THRB: variants seen among roughly 807,000 people sequenced by gnomAD.
THRB encodes nuclear receptor subfamily 1 group A member 2.
Under a neutral mutation model 47.8 loss-of-function variants are expected in THRB, and 12 were observed. That is an observed-to-expected ratio of 0.25 (90% CI 0.16 to 0.41). The LOEUF is 0.41. Ranked by LOEUF, THRB falls within the 10% of genes least tolerant of loss-of-function variation. The pLI, the probability that THRB is intolerant of heterozygous loss-of-function variation, is 1.00. For missense variants in THRB, 348 were observed against 589.2 expected, an observed-to-expected ratio of 0.59 and a Z score of 4.24; for synonymous variants, 218 against 212.2, an observed-to-expected ratio of 1.03 and a Z score of -0.24.
At chr3:24,291,235 A>G (rs1016079024) in intron 3 of THRB, among the ~76,000 whole-genome samples, 1 of 152,236 alleles carries the variant, frequency 6.6e-6, no homozygotes, top group African/African-American at 2.4e-5. Flanking sequence ...AGCAGTTTAA[A>G]GACTTTAGAA....
chr3:24,281,426 T>C (rs1366142156), intron 3 of THRB, among the ~76,000 whole-genome samples: 3 of 151,142 alleles, frequency 2.0e-5, no homozygotes, highest in Non-Finnish European at 4.4e-5. Flanking sequence ...CTAGAAGAGC[T>C]CCTGAAGGAA....
In THRB at chr3:24,362,060, C is replaced by T. The variant is rs564442405; in HGVS notation, c.-260-24689G>A. On this transcript the variant is annotated intron_variant, in intron 1 of 10. Coordinates refer to ENST00000646209, the MANE Select transcript of THRB (RefSeq NM_001354712.2). ...TCAATTACCGAATGCTTACAATGGG[C>T]CAAGCACTGTGCTAAACACCTTACG... 3.3e-5 allele frequency among the ~76,000 whole-genome samples: 5 copies of T among 152,188 alleles called. No individual in the cohort carries two copies. The South Asian group carries it at 1.0e-3, about 32-fold the overall frequency.
At chr3:24,322,992 A>G (rs1214036598) in intron 2 of THRB, among the ~76,000 whole-genome samples, 31 of 152,060 alleles carry the variant, frequency 2.0e-4, no homozygotes, top group Non-Finnish European at 4.4e-5. Flanking sequence ...CCATAAGAGC[A>G]TTTTTCTTAT....
intron 4 of THRB, among the ~76,000 whole-genome samples, chr3:24,227,256 G>C (rs2047749808): frequency 6.6e-6 from 1 of 152,180 alleles, no homozygotes; most frequent in African/African-American, 2.4e-5. Flanking sequence ...GCTACCTGCT[G>C]TCTGGTATCT....
At chr3:24,149,344 T>C (rs2036564322) in intron 6 of THRB, among the ~76,000 whole-genome samples, 1 of 152,146 alleles carries the variant, frequency 6.6e-6, no homozygotes, top group Non-Finnish European at 1.5e-5. Flanking sequence ...TGTTAGTCTA[T>C]CTGAAGTTGG....
At chr3:24,294,857 C>T (rs1033215496) in intron 3 of THRB, among the ~76,000 whole-genome samples, 3 of 152,210 alleles carry the variant, frequency 2.0e-5, no homozygotes, top group African/African-American at 7.2e-5. Flanking sequence ...AGCAAGGAAA[C>T]TTTCCCTTAA....
At chr3:24,192,076 C>T (rs149086678) in intron 4 of THRB, among the ~76,000 whole-genome samples, 1,928 of 152,224 alleles carry the variant, frequency 0.013, 19 homozygotes, top group Non-Finnish European at 0.02. Flanking sequence ...TTATTCATTG[C>T]ATGGTAAATC....
chr3:24,281,250 T>C (rs1338804281), intron 3 of THRB, among the ~76,000 whole-genome samples: 6 of 152,096 alleles, frequency 3.9e-5, no homozygotes, highest in South Asian at 4.2e-4. Flanking sequence ...CGGCAGAAAC[T>C]CTACAAGCCA....
intron 1 of THRB, among the ~76,000 whole-genome samples, chr3:24,394,234 A>G (rs1000047917): frequency 6.6e-6 from 1 of 152,144 alleles, no homozygotes; most frequent in Non-Finnish European, 1.5e-5. Flanking sequence ...GAGAAGTTTC[A>G]ACATAGTCTC....
intron 5 of THRB, among the ~76,000 whole-genome samples, chr3:24,162,487 A>G (rs1046096379): frequency 9.8e-5 from 15 of 152,314 alleles, no homozygotes; most frequent in African/African-American, 2.9e-4. Flanking sequence ...TTGTTTTTTC[A>G]TAATCCATAT....
chr3:24,411,207 A>T (rs1304057322), intron 1 of THRB, among the ~76,000 whole-genome samples: 1 of 151,844 alleles, frequency 6.6e-6, no homozygotes, highest in African/African-American at 2.4e-5. Context: ...TGCTAAAGTC[A>T]AAGGCAAGAT....
chr3:24,301,940 C>T (rs1220503741), intron 2 of THRB, among the ~76,000 whole-genome samples: 1 of 152,140 alleles, frequency 6.6e-6, no homozygotes, highest in East Asian at 1.9e-4. Context: ...TATGGCTGAC[C>T]TCTGAGAATG....
At chr3:24,210,415 T>G (rs1173066794) in intron 4 of THRB, among the ~76,000 whole-genome samples, 4 of 152,080 alleles carry the variant, frequency 2.6e-5, no homozygotes, top group Admixed American at 6.5e-5. Flanking sequence ...TGTTTGTTTT[T>G]TTTTTTTGCT....
chr3:24,305,307 T>G (rs1203301974), intron 2 of THRB, among the ~76,000 whole-genome samples: 1 of 152,178 alleles, frequency 6.6e-6, no homozygotes, highest in East Asian at 1.9e-4. Context: ...ATGATTCAAG[T>G]GCATGCTAAA....
intron 4 of THRB, among the ~76,000 whole-genome samples, chr3:24,207,275 C>T (rs976111157): frequency 6.6e-6 from 1 of 152,128 alleles, no homozygotes; most frequent in Non-Finnish European, 1.5e-5. Context: ...AATCCAGCAG[C>T]GCATCAAAAA....
At chr3:24,334,436 T>C (rs1418551475) in intron 2 of THRB, among the ~76,000 whole-genome samples, 3 of 152,182 alleles carry the variant, frequency 2.0e-5, no homozygotes, top group African/African-American at 2.4e-5. Flanking sequence ...TAAAAGCACA[T>C]GTTAAAGTAA....
chr3:24,283,671 A>G (rs796360639), intron 3 of THRB, among the ~76,000 whole-genome samples: 3 of 147,496 alleles, frequency 2.0e-5, no homozygotes, highest in Non-Finnish European at 4.5e-5. Context: ...ACATGATTGT[A>G]TATCTAGAAA....
chr3:24,197,989 A>C (rs1485173847), intron 4 of THRB, among the ~76,000 whole-genome samples: 3 of 152,244 alleles, frequency 2.0e-5, no homozygotes, highest in Non-Finnish European at 4.4e-5. Flanking sequence ...ACACTGACTT[A>C]ATCGGTTAGT....
chr3:24,444,672 C>T (rs1330076961), intron 1 of THRB, among the ~76,000 whole-genome samples: 3 of 152,126 alleles, frequency 2.0e-5, no homozygotes, highest in Non-Finnish European at 2.9e-5. Flanking sequence ...GGCATGATCT[C>T]GGCTCACTGC....
Sources: gnomAD v4.1 joint callset for allele counts (sites outside exome capture counted in the v4.1 genomes callset) on GRCh38, gnomAD v4.1.1 for gene constraint, MANE v1.5 for transcripts, NCBI Gene and HGNC (gene_info 2026-07-23, HGNC 2026-07-21) for gene names.